AGAP1: variants seen among roughly 807,000 people sequenced by gnomAD.
AGAP1 encodes ArfGAP with GTPase domain, ankyrin repeat and PH domain 1.
Under a neutral mutation model 105.3 loss-of-function variants are expected in AGAP1, and 29 were observed. That is an observed-to-expected ratio of 0.28 (90% confidence interval 0.21 to 0.38). The LOEUF is 0.38. Ranked by LOEUF, AGAP1 falls within the 10% of genes least tolerant of loss-of-function variation. AGAP1 has a pLI of 1.00. For synonymous variants in AGAP1, 509 were observed against 485.9 expected, an observed-to-expected ratio of 1.05 and a Z score of -0.63; for missense variants, 998 against 1,165.1, an observed-to-expected ratio of 0.86 and a Z score of 2.09.
chr2:235,942,713 A>T (rs181807978), intron 12 of AGAP1, among the ~76,000 whole-genome samples: 2 of 152,204 alleles, frequency 1.3e-5, no homozygotes, highest in African/African-American at 4.8e-5. Flanking sequence ...CCTAGCATAC[A>T]GAAGTCTAAA....
intron 1 of AGAP1, among the ~76,000 whole-genome samples, chr2:235,637,333 C>T (rs191499819): frequency 1.6e-3 from 243 of 152,210 alleles, no homozygotes; most frequent in South Asian, 4.0e-3. Context: ...AGTACAGTGG[C>T]GCGGTCATAG....
chr2:235,521,985 G>T (rs998627446), intron 1 of AGAP1, among the ~76,000 whole-genome samples: 2 of 152,142 alleles, frequency 1.3e-5, no homozygotes, highest in African/African-American at 4.8e-5. Context: ...CCAACAGGGT[G>T]CTGTCAAACT....
intron 6 of AGAP1, among the ~76,000 whole-genome samples, chr2:235,755,282 A>G (rs1953826669): frequency 6.6e-6 from 1 of 152,150 alleles, no homozygotes; most frequent in African/African-American, 2.4e-5. Flanking sequence ...AAGTTTTTCT[A>G]TTTTTAAAGT....
chr2:235,641,223 C>T (rs917556363), intron 1 of AGAP1, among the ~76,000 whole-genome samples: 1 of 152,042 alleles, frequency 6.6e-6, no homozygotes, highest in Non-Finnish European at 1.5e-5. Context: ...AAAAAATTAC[C>T]CTCTAATGTT....
chr2:235,817,392 A>G (rs1229603844), intron 9 of AGAP1, among the ~76,000 whole-genome samples: 3 of 152,050 alleles, frequency 2.0e-5, no homozygotes, highest in Non-Finnish European at 4.4e-5. Flanking sequence ...CAGGAAAGTC[A>G]TCAGACAATG....
Position 235,955,538 on chromosome 2 carries a change from G to T in AGAP1, c.1484-12924G>T, listed in dbSNP as rs79888704. ...GTACTGATTTATGGTCATAAATTTG[G>T]AATCCTTCTAAGCAGCTGGGAACTG... is the stretch of plus-strand genomic sequence containing the variant. On this transcript the variant is annotated intron_variant, in intron 12 of 17. Transcript: ENST00000304032. Among the ~76,000 whole-genome samples, 824 of 152,218 alleles carry T rather than the reference G, an allele frequency of 5.4e-3. 7 individuals carry two copies. The highest frequency in any genetic ancestry group is 0.019 in the African/African-American group (781 of 41,538).
At position 235,983,354 on chromosome 2, in the gene AGAP1, G is replaced by T. The variant is rs1011048204; in HGVS notation, c.1645+14731G>T. On this transcript the variant is annotated intron_variant, in intron 13 of 17. Coordinates refer to ENST00000304032, the MANE Select transcript of AGAP1 (RefSeq NM_001037131.3). The surrounding 1 kb of genome is among the most constrained non-coding windows in gnomAD (Gnocchi z 4.5). The stretch of plus-strand genomic sequence containing the variant: ...CCTTTTGTTCAGCTCCTCCTCTCCA[G>T]CACCAACCTCCCATCACTTTCTACA... 5.9e-5 allele frequency among the ~76,000 whole-genome samples: 9 copies of T among 152,134 alleles called. No individual in the cohort carries two copies. Among genetic ancestry groups the T allele is most frequent in the Non-Finnish European group, 7.4e-5 (5 of 68,016 alleles).
At chr2:235,986,748 G>A (rs1698865872) in intron 13 of AGAP1, among the ~76,000 whole-genome samples, 1 of 152,126 alleles carries the variant, frequency 6.6e-6, no homozygotes, top group Admixed American at 6.6e-5. Flanking sequence ...TTTTATCTTT[G>A]GTTCTGTTTA....
rs1182565095 is a variant in AGAP1, at chr2:235,729,245, C to G, written c.310+11601C>G. ...GCGTGTGCCCCTTGAGGAGCCGCAT[C>G]CGCTTATTGGGCCTAAGAAAAACTG... On this transcript the variant is annotated intron_variant, in intron 3 of 17. Coordinates refer to ENST00000304032, the MANE Select transcript of AGAP1 (RefSeq NM_001037131.3). The surrounding 1 kb of genome is among the most constrained non-coding windows in gnomAD (Gnocchi z 5.0). Among the ~76,000 whole-genome samples, 2 of 152,190 alleles carry G rather than the reference C, an allele frequency of 1.3e-5. No individual in the cohort carries two copies. Among genetic ancestry groups the G allele is most frequent in the African/African-American group, 4.8e-5 (2 of 41,412 alleles).
At chr2:236,034,809 ACAGTGGCTGT>A (rs2057330358) in intron 13 of AGAP1, among the ~76,000 whole-genome samples, 1 of 152,246 alleles carries the variant, frequency 6.6e-6, no homozygotes, top group South Asian at 2.1e-4. Context: ...TGCCCAGGGC[ACAGTGGCTGT>A]CAGCACCTAG....
At chr2:236,011,845 G>C (rs2056521777) in intron 13 of AGAP1, among the ~76,000 whole-genome samples, 1 of 152,086 alleles carries the variant, frequency 6.6e-6, no homozygotes, top group African/African-American at 2.4e-5. Flanking sequence ...GCTGCCAGTG[G>C]TGGGCAGTGG....
chr2:235,535,656 C>CAGCCCT lies in AGAP1; in HGVS notation c.163+40808_163+40813dup, dbSNP rs1340857641. ...AGGCACCCGCGTCGCGCTCCAGCTC[C>CAGCCCT]AGCCCTTTAATGCTCTTTGCCATTC... is the stretch of plus-strand genomic sequence containing the variant. On this transcript the variant is annotated intron_variant, in intron 1 of 17. Coordinates refer to ENST00000304032, the MANE Select transcript of AGAP1 (RefSeq NM_001037131.3). This position sits in a 1 kb window ranked among gnomAD's most constrained non-coding sequence, Gnocchi z 5.1. Among the ~76,000 whole-genome samples, 1 of 152,088 alleles carries CAGCCCT rather than the reference C, an allele frequency of 6.6e-6. No homozygotes were observed. The highest frequency in any genetic ancestry group is 6.6e-5 in the Admixed American group (1 of 15,266).
Position 235,962,103 on chromosome 2 carries a change from A to G in AGAP1, c.1484-6359A>G, listed in dbSNP as rs1437848667. Among the ~76,000 whole-genome samples, 1 of 151,214 alleles carries G rather than the reference A, an allele frequency of 6.6e-6. No individual in the cohort carries two copies. Among genetic ancestry groups the G allele is most frequent in the Non-Finnish European group, 1.5e-5 (1 of 67,970 alleles). The stretch of plus-strand genomic sequence containing the variant: ...TTTTGTTTCAGTGAAGTGAAAAGTG[A>G]GGTCATCGTGAGGATGGTGTGGGGC... On this transcript the variant is annotated intron_variant, in intron 12 of 17. Coordinates refer to ENST00000304032, the MANE Select transcript of AGAP1 (RefSeq NM_001037131.3). This position sits in a 1 kb window ranked among gnomAD's most constrained non-coding sequence, Gnocchi z 5.3.
rs2059459843 is a variant in AGAP1, at chr2:236,105,487, A to G, written c.2115-14705A>G. 6.6e-6 allele frequency among the ~76,000 whole-genome samples: 1 copy of G among 150,590 alleles called. No individual in the cohort carries two copies. The highest frequency in any genetic ancestry group is 1.5e-5 in the Non-Finnish European group (1 of 67,718). The stretch of plus-strand genomic sequence containing the variant: ...CTGGTGAGGGGCCTCTTCCTGGCTT[A>G]TAGACAGATGCCTCTTGCAGTGTCC... On this transcript the variant is annotated intron_variant, in intron 16 of 17. Coordinates refer to ENST00000304032, the MANE Select transcript of AGAP1 (RefSeq NM_001037131.3). This position sits in a 1 kb window ranked among gnomAD's most constrained non-coding sequence, Gnocchi z 4.2.
rs1188041086 is a variant in AGAP1, at chr2:235,720,101, T to C, written c.310+2457T>C. Among the ~76,000 whole-genome samples, 1 of 152,178 alleles carries C rather than the reference T, an allele frequency of 6.6e-6. No homozygotes were observed. Among genetic ancestry groups the C allele is most frequent in the Non-Finnish European group, 1.5e-5 (1 of 68,036 alleles). On this transcript the variant is annotated intron_variant, in intron 3 of 17. Coordinates refer to ENST00000304032, the MANE Select transcript of AGAP1 (RefSeq NM_001037131.3). This position sits in a 1 kb window ranked among gnomAD's most constrained non-coding sequence, Gnocchi z 5.0. ...GAGCCATAACTTGTTGTAATGTCAC[T>C]TGTAATGAAGGGAGCCATACTTGTT...
chr2:235,609,985 A>G lies in AGAP1; in HGVS notation c.164-99194A>G, dbSNP rs1379746460. On this transcript the variant is annotated intron_variant, in intron 1 of 17. Coordinates refer to ENST00000304032, the MANE Select transcript of AGAP1 (RefSeq NM_001037131.3). This position sits in a 1 kb window ranked among gnomAD's most constrained non-coding sequence, Gnocchi z 5.1. ...TTTCCTTCCTCAGGGACGGTTTGGC[A>G]CTGGGCAACAGCTCCATTTAGCTAG... Among the ~76,000 whole-genome samples, 19 of 152,068 alleles carry G rather than the reference A, an allele frequency of 1.2e-4. No individual in the cohort carries two copies.
chr2:235,807,995 T>G (rs540548630), intron 9 of AGAP1, among the ~76,000 whole-genome samples: 1 of 151,964 alleles, frequency 6.6e-6, no homozygotes, highest in East Asian at 1.9e-4. Context: ...TGGAACAGGG[T>G]TTCATTAGCC....
chr2:235,564,680 ACCACCAC>A (rs1944284664), intron 1 of AGAP1, among the ~76,000 whole-genome samples: 11 of 138,196 alleles, frequency 8.0e-5, no homozygotes, highest in African/African-American at 2.4e-4. Flanking sequence ...GTGAGCCTGG[ACCACCAC>A]CCAGGGTCAG....
Position 235,577,473 on chromosome 2 carries a change from G to A in AGAP1, c.163+82624G>A, listed in dbSNP as rs949431015. Among the ~76,000 whole-genome samples, 4 of 152,018 alleles carry A rather than the reference G, an allele frequency of 2.6e-5. No homozygotes were observed. The highest frequency in any genetic ancestry group is 2.0e-4 in the Admixed American group (3 of 15,248). ...TTTGCCAGATGAGACACTGCCTCTC[G>A]CTGAATGCCTGCTTGGAGCAGAGTC... On this transcript the variant is annotated intron_variant, in intron 1 of 17. Coordinates refer to ENST00000304032, the MANE Select transcript of AGAP1 (RefSeq NM_001037131.3). The surrounding 1 kb of genome is among the most constrained non-coding windows in gnomAD (Gnocchi z 4.5).
Sources: allele counts gnomAD v4.1 joint callset (sites outside exome capture counted in the v4.1 genomes callset), GRCh38; gene constraint gnomAD v4.1.1; non-coding constraint Gnocchi (gnomAD v3.1); transcripts MANE v1.5; gene names NCBI Gene and HGNC (gene_info 2026-07-23, HGNC 2026-07-21).